The following SLC15A5 variants were observed in gnomAD, a reference collection of about 807,000 sequenced individuals.
The protein encoded by SLC15A5 is solute carrier family 15 member 5, also known as Peptide/histidine transporter ENSP00000340402.
A neutral mutation model predicts 56.1 loss-of-function variants in SLC15A5; 58 were observed. That is an observed-to-expected ratio of 1.03 (90% CI 0.84 to 1.29). The LOEUF (loss-of-function observed/expected upper bound fraction) is 1.29, where lower values mean the gene tolerates loss of function less well. Ranked by LOEUF, SLC15A5 falls within the 50% of genes most tolerant of loss-of-function variation. The pLI is 0.00. For synonymous variants in SLC15A5, 264 were observed against 250.5 expected (o/e 1.05, Z -0.51); for missense variants, 681 against 672.1 (o/e 1.01, Z -0.15).
Position 16,189,671 on chromosome 12 carries a change from T to G in SLC15A5, c.1737A>C (p.Leu579=), listed in dbSNP as rs1270769182. ...SSSIDLWETA[L] is the part of the protein sequence containing the mutation. ...ACAGGTAGACTCAAACACAGTTTCA[T>G]AGGGCTGTCTCCCAAAGATCAATAC... The change falls in exon 9 of 9, where the codon CTA becomes CTC. Residue 579 remains leucine (L), a synonymous_variant. Transcript: ENST00000344941. 2.0e-6 allele frequency: 3 copies of G among 1,501,858 alleles called. No homozygotes were observed. The highest frequency in any genetic ancestry group is 2.2e-5 in the Admixed American group (1 of 44,642). The allele number at this position is 1,501,858 out of a possible 1,614,324, so 93.0% of individuals were successfully genotyped here.
chr12:16,275,633 C>T (rs1864809779), intron 1 of SLC15A5, among the ~76,000 whole-genome samples: 1 of 151,912 alleles, frequency 6.6e-6, no homozygotes, highest in East Asian at 1.9e-4. Flanking sequence ...AATTTAGTGA[C>T]AGTTGGAATT....
At chr12:16,236,541 A>G (rs1474807551) in intron 5 of SLC15A5, among the ~76,000 whole-genome samples, 1 of 152,148 alleles carries the variant, frequency 6.6e-6, no homozygotes, top group Non-Finnish European at 1.5e-5. Flanking sequence ...TTGTTATTGC[A>G]TTGTTTATGA....
At chr12:16,258,651 G>A (rs575261871) in intron 2 of SLC15A5, among the ~76,000 whole-genome samples, 3 of 151,782 alleles carry the variant, frequency 2.0e-5, no homozygotes, top group Non-Finnish European at 4.4e-5. Context: ...AGTTGTGCAA[G>A]CCTTAGTACA....
At chr12:16,239,014 C>CTT (rs1398100017) in intron 5 of SLC15A5, among the ~76,000 whole-genome samples, 9 of 152,066 alleles carry the variant, frequency 5.9e-5, no homozygotes, top group Admixed American at 5.9e-4. Flanking sequence ...GTTTCAGTGG[C>CTT]TTTTTCAAAG....
At chr12:16,270,567 T>TA (rs1314588661) in intron 2 of SLC15A5, among the ~76,000 whole-genome samples, 11 of 152,198 alleles carry the variant, frequency 7.2e-5, no homozygotes, top group African/African-American at 2.7e-4. Flanking sequence ...ATCATAACAA[T>TA]AGCTATCATA....
chr12:16,221,892 G>A (rs1223055339), intron 6 of SLC15A5, among the ~76,000 whole-genome samples: 1 of 152,108 alleles, frequency 6.6e-6, no homozygotes, highest in Non-Finnish European at 1.5e-5. Context: ...AGAGGAAAGA[G>A]ATGGATCTAG....
At chr12:16,232,249 A>G (rs1322922045) in intron 5 of SLC15A5, among the ~76,000 whole-genome samples, 2 of 152,218 alleles carry the variant, frequency 1.3e-5, no homozygotes, top group Non-Finnish European at 2.9e-5. Context: ...GAAAATTTGC[A>G]GGATGAAGTC....
At chr12:16,230,649 C>T (rs1008882314) in intron 5 of SLC15A5, among the ~76,000 whole-genome samples, 1 of 151,354 alleles carries the variant, frequency 6.6e-6, no homozygotes, top group Non-Finnish European at 1.5e-5. Flanking sequence ...CGCGGTGGCT[C>T]ACGCCTGTAA....
chr12:16,257,566 C>T (rs1486218545), intron 3 of SLC15A5, 135 bp downstream of exon 3: 2 of 623,720 alleles, frequency 3.2e-6, no homozygotes, highest in Non-Finnish European at 2.4e-6. Context: ...CAGACCATTG[C>T]TTTATCAAGG....
In SLC15A5 at chr12:16,243,436, C is replaced by T. The variant is rs985750669; in HGVS notation, c.975+1144G>A. ...TTTGGTAAAGCTGGTTTCGAATTCC[C>T]GATCTCAGGTAATCTGCCTGCCTCG... On this transcript the variant is annotated intron_variant, in intron 4 of 8. Transcript: ENST00000344941. The surrounding 1 kb of genome is among the most constrained non-coding windows in gnomAD (Gnocchi z 4.4). Among the ~76,000 whole-genome samples the T allele has an allele frequency of 2.0e-5, 3 of 152,010 alleles. No individual in the cohort carries two copies. Among genetic ancestry groups the T allele is most frequent in the Non-Finnish European group, 4.4e-5 (3 of 68,008 alleles).
chr12:16,255,151 A>C (rs575397462), intron 3 of SLC15A5, among the ~76,000 whole-genome samples: 1 of 152,234 alleles, frequency 6.6e-6, no homozygotes, highest in South Asian at 2.1e-4. Context: ...TAGTCCTGAT[A>C]GCTGAATGCC....
intron 1 of SLC15A5, among the ~76,000 whole-genome samples, chr12:16,274,463 C>T (rs1864796110): frequency 6.6e-6 from 1 of 152,054 alleles, no homozygotes; most frequent in South Asian, 2.1e-4. Flanking sequence ...TTTGTTTTCT[C>T]AATTAGATTA....
chr12:16,192,770 A>G (rs1454926362), intron 8 of SLC15A5, among the ~76,000 whole-genome samples: 1 of 152,116 alleles, frequency 6.6e-6, no homozygotes, highest in Non-Finnish European at 1.5e-5. Flanking sequence ...AAGAATAAAA[A>G]GGAGGAAGAA....
chr12:16,221,099 C>G (rs918693454), intron 6 of SLC15A5, among the ~76,000 whole-genome samples: 1 of 151,876 alleles, frequency 6.6e-6, no homozygotes, highest in Admixed American at 6.6e-5. Flanking sequence ...AGGACACTGT[C>G]AAAAGTTTGA....
chr12:16,276,876 A>T (rs1864826023), intron 1 of SLC15A5, among the ~76,000 whole-genome samples: 1 of 152,076 alleles, frequency 6.6e-6, no homozygotes, highest in Non-Finnish European at 1.5e-5. Flanking sequence ...TTACTATATG[A>T]CTAATTAAAA....
intron 7 of SLC15A5, among the ~76,000 whole-genome samples, chr12:16,207,268 T>C (rs1004210270): frequency 6.6e-6 from 1 of 152,192 alleles, no homozygotes; most frequent in Non-Finnish European, 1.5e-5. Context: ...AATAGTAAAA[T>C]GTTGAATTTA....
chr12:16,210,918 A>T (rs569140053), intron 7 of SLC15A5, among the ~76,000 whole-genome samples: 7 of 152,342 alleles, frequency 4.6e-5, no homozygotes, highest in African/African-American at 1.7e-4. Context: ...GAAATACATA[A>T]AACCATTGTA....
intron 7 of SLC15A5, among the ~76,000 whole-genome samples, chr12:16,212,248 A>G (rs188951146): frequency 6.6e-6 from 1 of 152,304 alleles, no homozygotes; most frequent in Non-Finnish European, 1.5e-5. Context: ...TCTGGCATAG[A>G]AAATTTTCAA....
At chr12:16,275,102 T>C (rs956138752) in intron 1 of SLC15A5, among the ~76,000 whole-genome samples, 4 of 152,014 alleles carry the variant, frequency 2.6e-5, no homozygotes, top group Admixed American at 2.6e-4. Flanking sequence ...AGGTGGACAA[T>C]TATATTATAA....
Sources: allele counts gnomAD v4.1 joint callset (sites outside exome capture counted in the v4.1 genomes callset), GRCh38; gene constraint gnomAD v4.1.1; non-coding constraint Gnocchi (gnomAD v3.1); transcripts MANE v1.5; gene names NCBI Gene and HGNC (gene_info 2026-07-23, HGNC 2026-07-21).